The following ACTN4 variants were observed in gnomAD, a reference collection of about 807,000 sequenced individuals.
ACTN4 encodes actinin alpha 4.
ACTN4 carries 18 observed loss-of-function variants against 114.2 expected under a neutral mutation model. The observed-to-expected ratio is 0.16, with a 90% CI of 0.11 to 0.23. The LOEUF is 0.23. Ranked by LOEUF, ACTN4 falls within the 10% of genes least tolerant of loss-of-function variation. The pLI is 1.00. For missense variants in ACTN4, 722 were observed against 1,262.9 expected (o/e 0.57, Z 6.49); for synonymous variants, 515 against 506.3 (o/e 1.02, Z -0.23).
In ACTN4 at chr19:38,710,379, A is replaced by G. The variant is rs1222421646; in HGVS notation, c.819+37A>G. The G allele has an allele frequency of 1.9e-6, 3 of 1,601,236 alleles. No individual in the cohort carries two copies. In the Admixed American group the frequency reaches 5.0e-5, roughly 27 times the overall value. Reference sequence around the variant, plus strand: ...GGCCAGGCAGGCCCTCCTCGCCGCCACCGCGCAATGCCGCCGCTGCCTCTC... The same window carrying G: ...GGCCAGGCAGGCCCTCCTCGCCGCCGCCGCGCAATGCCGCCGCTGCCTCTC... On this transcript the variant is annotated intron_variant, in intron 8 of 20. Transcript: ENST00000252699.
chr19:38,714,111 C>A (rs868020778), intron 8 of ACTN4, among the ~76,000 whole-genome samples: 6 of 152,218 alleles, frequency 3.9e-5, no homozygotes, highest in Non-Finnish European at 8.8e-5. Flanking sequence ...ATCCTTTCAC[C>A]TTCCCACCGG....
chr19:38,667,174 A>G (rs776097895), intron 1 of ACTN4, among the ~76,000 whole-genome samples: 1 of 152,222 alleles, frequency 6.6e-6, no homozygotes, highest in Non-Finnish European at 1.5e-5. Flanking sequence ...CTCAAGGCAC[A>G]GGACTAGTTT....
At position 38,727,736 on chromosome 19, in the gene ACTN4, G is replaced by A; in HGVS notation, c.2338-210G>A. The A allele has an allele frequency of 1.7e-6, 1 of 591,818 alleles. No individual in the cohort carries two copies. Among genetic ancestry groups the A allele is most frequent in the South Asian group, 2.0e-5 (1 of 50,804 alleles). The allele number at this position is 591,818 out of a possible 1,614,324, so 36.7% of individuals were successfully genotyped here. On this transcript the variant is annotated intron_variant, in intron 18 of 20. Coordinates refer to ENST00000252699, the MANE Select transcript of ACTN4 (RefSeq NM_004924.6). This position sits in a 1 kb window ranked among gnomAD's most constrained non-coding sequence, Gnocchi z 5.4. The stretch of plus-strand genomic sequence containing the variant: ...GTCGGGGAGGCCTCTGCCTTCCTTT[G>A]AGCTTCCGAGGTTGGGGAAAGGATG...
chr19:38,658,456 C>T (rs981318971), intron 1 of ACTN4, among the ~76,000 whole-genome samples: 2 of 152,194 alleles, frequency 1.3e-5, no homozygotes, highest in Non-Finnish European at 2.9e-5. Flanking sequence ...TAATCCAAAT[C>T]TAACAGCAAA....
Position 38,710,289 on chromosome 19 carries a change from G to A in ACTN4, c.766G>A (p.Ala256Thr). 5 of 1,614,098 alleles carry A rather than the reference G, an allele frequency of 3.1e-6. No individual in the cohort carries two copies. The highest frequency in any genetic ancestry group is 4.2e-6 in the Non-Finnish European group (5 of 1,180,018). ...IVNTARPDEK[A>T]IMTYVSSFYH... is the part of the protein sequence containing the mutation. ...GAACACGGCCCGGCCCGACGAGAAGGCCATAATGACCTATGTGTCCAGCTT... is the reference window on the plus strand; with the variant it reads ...GAACACGGCCCGGCCCGACGAGAAGACCATAATGACCTATGTGTCCAGCTT... Residue 256 changes from alanine to threonine, a missense_variant, in exon 8 of 21, where the codon GCC (alanine) becomes ACC (threonine). Ala to Thr is a moderately conservative substitution (Grantham distance 58). Transcript: ENST00000252699.
chr19:38,667,806 C>T (rs1275945287), intron 1 of ACTN4, among the ~76,000 whole-genome samples: 1 of 151,918 alleles, frequency 6.6e-6, no homozygotes, highest in Non-Finnish European at 1.5e-5. Context: ...CCGTCTGGAG[C>T]GTCCCTGAAA....
intron 11 of ACTN4, among the ~76,000 whole-genome samples, chr19:38,718,528 C>A (rs577586560): frequency 2.7e-4 from 41 of 151,928 alleles, no homozygotes; most frequent in African/African-American, 8.7e-4. Flanking sequence ...AGAGCAAGAC[C>A]CTGTCTCAAA....
At chr19:38,655,990 AT>A (rs2144831880) in intron 1 of ACTN4, among the ~76,000 whole-genome samples, 1 of 152,194 alleles carries the variant, frequency 6.6e-6, no homozygotes, top group Admixed American at 6.5e-5. Context: ...TTCTTCCAGT[AT>A]TTTCGATCCA....
intron 5 of ACTN4, 54 bp from the exon 6 acceptor site, chr19:38,708,063 C>T: frequency 6.4e-7 from 1 of 1,565,230 alleles, no homozygotes; most frequent in Non-Finnish European, 8.8e-7. Context: ...GGCCATACGG[C>T]ACTCTCATGA....
intron 11 of ACTN4, among the ~76,000 whole-genome samples, chr19:38,721,202 G>A (rs1969028122): frequency 6.6e-6 from 1 of 152,168 alleles, no homozygotes; most frequent in Non-Finnish European, 1.5e-5. Flanking sequence ...TCCAGAAACA[G>A]GTGCTACCTT....
intron 11 of ACTN4, among the ~76,000 whole-genome samples, chr19:38,719,689 T>C (rs1036957360): frequency 6.6e-6 from 1 of 152,248 alleles, no homozygotes; most frequent in Non-Finnish European, 1.5e-5. Flanking sequence ...CTCAGGTGGC[T>C]CCAGCCGTCC....
chr19:38,651,483 T>C (rs1328716036), intron 1 of ACTN4, among the ~76,000 whole-genome samples: 1 of 152,184 alleles, frequency 6.6e-6, no homozygotes. Context: ...CTCATCACCC[T>C]CTGTTGTCCT....
intron 1 of ACTN4, among the ~76,000 whole-genome samples, chr19:38,655,381 G>A: frequency 6.6e-6 from 1 of 152,180 alleles, no homozygotes. Context: ...CCAGCACCAA[G>A]CAGAGACTTT....
intron 1 of ACTN4, among the ~76,000 whole-genome samples, chr19:38,665,498 C>T (rs888995): frequency 0.13 from 19,415 of 152,246 alleles, 1,363 homozygotes; most frequent in Middle Eastern, 0.32. Context: ...GTCTCCCCCT[C>T]AAAGGGGCCT....
intron 17 of ACTN4, 111 bp from the exon 18 acceptor site, chr19:38,726,846 A>G: frequency 6.0e-6 from 9 of 1,500,762 alleles, no homozygotes; most frequent in Non-Finnish European, 7.2e-6. Context: ...TGTACAGGAG[A>G]GCAGGGGCTT....
At chr19:38,710,807 G>A (rs550822888) in intron 8 of ACTN4, 24 of 291,424 alleles carry the variant, frequency 8.2e-5, no homozygotes, top group Admixed American at 2.3e-4. Flanking sequence ...GAAGCACTAC[G>A]AAGGCCCTGA....
rs35793948 is a variant in ACTN4, at chr19:38,688,390, CA to C, written c.163-12189del. 7.8e-4 allele frequency among the ~76,000 whole-genome samples: 63 copies of C among 81,126 alleles called. 1 individual carries two copies. Among genetic ancestry groups the C allele is most frequent in the African/African-American group, 1.6e-3 (32 of 19,406 alleles). 53.2% of individuals were successfully genotyped at this position (81,126 alleles called of 152,430 possible). A position where few individuals can be genotyped will look rare whatever the true frequency, so the allele number is the denominator to read the frequency against. ...ATGGTGAATGAAACCTTGTCTCTAC[CA>C]AAAAAAAAAAAAAAAAAAAACCCAC... On this transcript the variant is annotated intron_variant, in intron 1 of 20. Coordinates refer to ENST00000252699, the MANE Select transcript of ACTN4 (RefSeq NM_004924.6).
chr19:38,700,743 G>C lies in ACTN4; in HGVS notation c.277+29G>C, dbSNP rs2112649. On this transcript the variant is annotated intron_variant, in intron 2 of 20. Coordinates refer to ENST00000252699, the MANE Select transcript of ACTN4 (RefSeq NM_004924.6). Reference sequence around the variant, plus strand: ...AGACTCCCAGCCACGCAGTGCGGCCGAGCCCTGGCACAGGTGCTCTGCCAC... The same window carrying C: ...AGACTCCCAGCCACGCAGTGCGGCCCAGCCCTGGCACAGGTGCTCTGCCAC... The C allele has an allele frequency of 0.74, 1,177,181 of 1,587,894 alleles. 439,591 individuals carry two copies. The highest frequency in any genetic ancestry group is 0.85 in the South Asian group (76,989 of 90,518).
At chr19:38,659,065 C>CTTTTTTTTTTTTTTTTTTTTTTTTTT (rs577141157) in intron 1 of ACTN4, among the ~76,000 whole-genome samples, 1 of 111,690 alleles carries the variant, frequency 9.0e-6, no homozygotes, top group Non-Finnish European at 1.8e-5. Flanking sequence ...CTTTTCTTTT[C>CTTTTTTTTTTTTTTTTTTTTTTTTTT]TTTTTTTTTT....
Sources: allele counts gnomAD v4.1 joint callset (sites outside exome capture counted in the v4.1 genomes callset), GRCh38; gene constraint gnomAD v4.1.1; non-coding constraint Gnocchi (gnomAD v3.1); transcripts MANE v1.5; gene names NCBI Gene and HGNC (gene_info 2026-07-23, HGNC 2026-07-21).